RELL1: variants seen among roughly 807,000 people sequenced by gnomAD.
RELL1 encodes RELT-like protein 1.
RELL1 carries 10 observed loss-of-function variants against 23.0 expected under a neutral mutation model. The ratio of observed to expected loss-of-function variants is 0.43; its 90% CI spans 0.27 to 0.74. The LOEUF (loss-of-function observed/expected upper bound fraction) is 0.74. RELL1 is among the 30% of genes least tolerant of loss of function. RELL1 has a pLI of 0.19. For synonymous variants in RELL1, 146 were observed against 146.8 expected, an observed-to-expected ratio of 0.99 and a Z score of 0.04; for missense variants, 315 against 364.4, an observed-to-expected ratio of 0.86 and a Z score of 1.10.
intron 6 of RELL1, 102 bp downstream of exon 6, chr4:37,631,283 T>A: frequency 7.6e-7 from 1 of 1,321,290 alleles, no homozygotes; most frequent in Non-Finnish European, 1.0e-6. Flanking sequence ...CACTTCCCTG[T>A]CAAATACCAT....
At chr4:37,664,372 C>CA (rs11286230) in intron 1 of RELL1, among the ~76,000 whole-genome samples, 1,352 of 134,464 alleles carry the variant, frequency 0.01, 14 homozygotes, top group Middle Eastern at 0.028. Context: ...GACTCCATCT[C>CA]AAAAAAAAAA....
At chr4:37,593,833 T>G (rs1055168327) in intron 6 of RELL1, among the ~76,000 whole-genome samples, 1 of 151,992 alleles carries the variant, frequency 6.6e-6, no homozygotes, top group African/African-American at 2.4e-5. Context: ...CCACCTTTGG[T>G]CCGGGGGAAG....
chr4:37,603,192 G>T (rs535817889), intron 6 of RELL1, among the ~76,000 whole-genome samples: 246 of 152,314 alleles, frequency 1.6e-3, no homozygotes, highest in Non-Finnish European at 2.6e-3. Flanking sequence ...GCCAGCAGAG[G>T]GAGCGAAGGG....
intron 1 of RELL1, among the ~76,000 whole-genome samples, chr4:37,661,847 G>A (rs1369595617): frequency 6.6e-6 from 1 of 152,150 alleles, no homozygotes; most frequent in Admixed American, 6.5e-5. Context: ...AATAAGTGCT[G>A]AACTCTGTAG....
At chr4:37,685,166 T>C (rs2109322646) in intron 1 of RELL1, among the ~76,000 whole-genome samples, 1 of 152,290 alleles carries the variant, frequency 6.6e-6, no homozygotes, top group South Asian at 2.1e-4. Flanking sequence ...GCGACTGAAA[T>C]GTTCTCAGGA....
In RELL1 at chr4:37,610,661, C is replaced by T. The variant is rs546255043; in HGVS notation, c.*2685G>A. ...CGTTTAACATTTTTATTTTTAACTCCGCTTTGGTAGTACAAAAGTCATAAA... is the reference window on the plus strand; with the variant it reads ...CGTTTAACATTTTTATTTTTAACTCTGCTTTGGTAGTACAAAAGTCATAAA... On this transcript the variant is annotated 3_prime_UTR_variant, in exon 7 of 7. Transcript: ENST00000454158. The surrounding 1 kb of genome is among the most constrained non-coding windows in gnomAD (Gnocchi z 4.1). 1.6e-4 allele frequency among the ~76,000 whole-genome samples: 25 copies of T among 152,276 alleles called. 1 individual carries two copies. In the South Asian group the frequency reaches 1.9e-3, roughly 11 times the overall value.
intron 6 of RELL1, among the ~76,000 whole-genome samples, chr4:37,615,546 T>G (rs1257074620): frequency 1.3e-5 from 2 of 151,958 alleles, no homozygotes; most frequent in East Asian, 3.9e-4. Context: ...CTAACAGGAG[T>G]GGGTGAGAGA....
intron 6 of RELL1, chr4:37,623,360 T>A: frequency 6.5e-6 from 1 of 154,228 alleles, no homozygotes; most frequent in Admixed American, 6.4e-5. Context: ...AAACGGCGGT[T>A]GATTTGCTTT....
chr4:37,685,079 T>C (rs1458988475), intron 1 of RELL1, among the ~76,000 whole-genome samples: 1 of 152,140 alleles, frequency 6.6e-6, no homozygotes, highest in East Asian at 1.9e-4. Context: ...ATATTATCCA[T>C]CTCCTTCCCT....
chr4:37,593,641 C>T (rs937944), intron 6 of RELL1, among the ~76,000 whole-genome samples: 91,149 of 152,052 alleles, frequency 0.6, 29,872 homozygotes, highest in Non-Finnish European at 0.74. Flanking sequence ...TAGTGGTGTG[C>T]GTGGCTTTGC....
At position 37,663,115 on chromosome 4, in the gene RELL1, G is replaced by A. The variant is rs114108459; in HGVS notation, c.89-13615C>T. Among the ~76,000 whole-genome samples, 945 of 152,234 alleles carry A rather than the reference G, an allele frequency of 6.2e-3. 8 individuals carry two copies. The highest frequency in any genetic ancestry group is 0.022 in the African/African-American group (903 of 41,528). On this transcript the variant is annotated intron_variant, in intron 1 of 6. Transcript: ENST00000454158. ...AGGGGCGTGAGGAAAAGCAATACCC[G>A]TGGGGCTCAAGGACTGGGAGGGCTC...
At chr4:37,678,322 T>C (rs1338001133) in intron 1 of RELL1, among the ~76,000 whole-genome samples, 1 of 152,228 alleles carries the variant, frequency 6.6e-6, no homozygotes, top group Non-Finnish European at 1.5e-5. Context: ...CCTCTAATAC[T>C]GGGGATTACC....
At chr4:37,595,791 T>C (rs1718819250) in intron 6 of RELL1, among the ~76,000 whole-genome samples, 1 of 152,316 alleles carries the variant, frequency 6.6e-6, no homozygotes, top group African/African-American at 2.4e-5. Context: ...GAGTCCACGT[T>C]ACCCTAAGGA....
downstream of RELL1, chr4:37,588,849 G>GT: frequency 6.2e-7 from 1 of 1,610,048 alleles, no homozygotes; most frequent in Non-Finnish European, 8.5e-7. Flanking sequence ...TTTCCAGGTG[G>GT]TAACAGAAAA....
chr4:37,639,621 G>A (rs968220549), intron 3 of RELL1, among the ~76,000 whole-genome samples: 11 of 151,964 alleles, frequency 7.2e-5, no homozygotes, highest in South Asian at 2.1e-4. Flanking sequence ...GAGTGGTCAC[G>A]CTCCCCAGGA....
chr4:37,628,872 A>G (rs941405700), intron 6 of RELL1, among the ~76,000 whole-genome samples: 7 of 152,238 alleles, frequency 4.6e-5, no homozygotes, highest in Non-Finnish European at 7.3e-5. Flanking sequence ...TGTGCAGAGA[A>G]TATCTCATTG....
At chr4:37,682,683 T>G (rs914285046) in intron 1 of RELL1, among the ~76,000 whole-genome samples, 1 of 152,240 alleles carries the variant, frequency 6.6e-6, no homozygotes. Context: ...CAAGGTGTGC[T>G]TTTTCAAAAC....
Position 37,649,325 on chromosome 4 carries a change from A to G in RELL1, c.264T>C (p.Cys88=), listed in dbSNP as rs140394215. ...CGATATCTTGCTCTGCTTCTGTTGT[A>G]CAACGATAGCCTTTCTTCTTAAGCA... ...CHLLKKKGYR[C]TTEAEQDIEE... The change falls in exon 2 of 7, where the codon TGT becomes TGC. Residue 88 remains cysteine (C), a synonymous_variant. Transcript: ENST00000454158. 65 of 1,614,236 alleles carry G rather than the reference A, an allele frequency of 4.0e-5. 2 individuals are homozygous for G. In the East Asian group the frequency reaches 1.4e-3, roughly 34 times the overall value.
intron 1 of RELL1, among the ~76,000 whole-genome samples, chr4:37,675,960 G>A (rs562912973): frequency 2.0e-5 from 3 of 152,316 alleles, no homozygotes; most frequent in African/African-American, 7.2e-5. Context: ...GAACACTCAA[G>A]TTTGGGAACC....
Sources: allele counts gnomAD v4.1 joint callset (sites outside exome capture counted in the v4.1 genomes callset), GRCh38; gene constraint gnomAD v4.1.1; non-coding constraint Gnocchi (gnomAD v3.1); transcripts MANE v1.5; gene names NCBI Gene and HGNC (gene_info 2026-07-23, HGNC 2026-07-21).